The following DDX17 variants were observed in gnomAD, a reference collection of about 807,000 sequenced individuals.
DDX17 encodes probable ATP-dependent RNA helicase DDX17.
Under a neutral mutation model 80.8 loss-of-function variants are expected in DDX17, and 10 were observed. The observed-to-expected ratio is 0.12, with a 90% confidence interval of 0.08 to 0.21. The LOEUF (loss-of-function observed/expected upper bound fraction) is 0.21, where lower values mean the gene tolerates loss of function less well. DDX17 is among the 10% of genes least tolerant of loss of function. The pLI is 1.00. For synonymous variants in DDX17, 339 were observed against 336.2 expected, an observed-to-expected ratio of 1.01 and a Z score of -0.09; for missense variants, 586 against 957.4, an observed-to-expected ratio of 0.61 and a Z score of 5.12.
chr22:38,492,729 G>A (rs1428222025), intron 10 of DDX17, among the ~76,000 whole-genome samples: 4 of 151,986 alleles, frequency 2.6e-5, no homozygotes, highest in Admixed American at 6.5e-5. Context: ...CAGGTGATCC[G>A]CCCACCTCAG....
rs10427873 is a variant in DDX17, at chr22:38,487,338, G to A, written c.1684+541C>T. Among the ~76,000 whole-genome samples the A allele has an allele frequency of 1.4e-3, 214 of 151,680 alleles. 7 individuals are homozygous for A. The East Asian group carries it at 0.026, about 19-fold the overall frequency. On this transcript the variant is annotated intron_variant, in intron 12 of 12. Coordinates refer to ENST00000403230, the MANE Select transcript of DDX17 (RefSeq NM_006386.5). ...GGTGAAACTCCACAGACCAGCCTCA[G>A]CTAGGTTTGGTGGCTCACTCCTGTA...
chr22:38,485,755 C>G lies in DDX17; in HGVS notation c.*180G>C. The G allele has an allele frequency of 5.1e-6, 4 of 783,444 alleles. No individual in the cohort carries two copies. The highest frequency in any genetic ancestry group is 7.1e-6 in the Non-Finnish European group (4 of 562,674). 48.5% of individuals were successfully genotyped at this position (783,444 alleles called of 1,614,324 possible). On this transcript the variant is annotated 3_prime_UTR_variant, in exon 13 of 13. Coordinates refer to ENST00000403230, the MANE Select transcript of DDX17 (RefSeq NM_006386.5). ...GATCATTTTGGTGGGCAGAAGAAAC[C>G]TGGCAGTGAATTCTAACTAATCTGC...
Position 38,489,085 on chromosome 22 carries a change from A to T in DDX17, c.1448-970T>A. ...TATATTTTTACCTACTTAAACAAACAATTTTAAGAATATAACAAAGAATCC... is the reference window on the plus strand; with the variant it reads ...TATATTTTTACCTACTTAAACAAACTATTTTAAGAATATAACAAAGAATCC... On this transcript the variant is annotated intron_variant, in intron 11 of 12. Coordinates refer to ENST00000403230, the MANE Select transcript of DDX17 (RefSeq NM_006386.5). This position sits in a 1 kb window ranked among gnomAD's most constrained non-coding sequence, Gnocchi z 4.6. 2.0e-6 allele frequency: 2 copies of T among 983,976 alleles called. No individual in the cohort carries two copies. Among genetic ancestry groups the T allele is most frequent in the Non-Finnish European group, 2.4e-6 (2 of 828,596 alleles). The allele number at this position is 983,976 out of a possible 1,614,324, so 61.0% of individuals were successfully genotyped here. A position where few individuals can be genotyped will look rare whatever the true frequency, so the allele number is the denominator to read the frequency against.
chr22:38,502,674 G>A (rs1220871356), intron 1 of DDX17, among the ~76,000 whole-genome samples: 1 of 152,164 alleles, frequency 6.6e-6, no homozygotes, highest in Non-Finnish European at 1.5e-5. Context: ...TAAGAAATCA[G>A]AAGCTACTTT....
rs931347780 is a variant in DDX17, at chr22:38,489,538, TA to T, written c.1448-1424del. 48 of 978,646 alleles carry T rather than the reference TA, an allele frequency of 4.9e-5. No homozygotes were observed. The highest frequency in any genetic ancestry group is 9.0e-5 in the African/African-American group (5 of 55,816). The allele number at this position is 978,646 out of a possible 1,614,324, so 60.6% of individuals were successfully genotyped here. A position where few individuals can be genotyped will look rare whatever the true frequency, so the allele number is the denominator to read the frequency against. ...GGTGATTGTAGAAAAAAATAATTAATAAAAAAAAATGTAAGTTACATCCAAA... is the reference window on the plus strand; with the variant it reads ...GGTGATTGTAGAAAAAAATAATTAATAAAAAAAATGTAAGTTACATCCAAA... On this transcript the variant is annotated intron_variant, in intron 11 of 12. Coordinates refer to ENST00000403230, the MANE Select transcript of DDX17 (RefSeq NM_006386.5). This position sits in a 1 kb window ranked among gnomAD's most constrained non-coding sequence, Gnocchi z 4.6.
intron 12 of DDX17, among the ~76,000 whole-genome samples, chr22:38,487,386 A>AG (rs2089670813): frequency 6.6e-6 from 1 of 152,114 alleles, no homozygotes; most frequent in African/African-American, 2.4e-5. Flanking sequence ...TGGGAGGCCA[A>AG]GACAGGTGGA....
intron 10 of DDX17, 83 bp from the exon 11 acceptor site, chr22:38,492,198 T>C: frequency 3.4e-6 from 4 of 1,180,144 alleles, no homozygotes; most frequent in Middle Eastern, 2.0e-4. Flanking sequence ...AAATTTCAAA[T>C]AATGGTGCCA....
chr22:38,502,464 G>C (rs1054153865), intron 1 of DDX17, among the ~76,000 whole-genome samples: 3 of 146,908 alleles, frequency 2.0e-5, no homozygotes, highest in African/African-American at 5.0e-5. Context: ...CTTCTTCTTT[G>C]ATCTCTACTT....
At chr22:38,504,838 G>A (rs1057104759) in intron 1 of DDX17, among the ~76,000 whole-genome samples, 14 of 152,248 alleles carry the variant, frequency 9.2e-5, no homozygotes, top group Non-Finnish European at 1.8e-4. Context: ...AGAGGAAACA[G>A]GCTCACAAAA....
chr22:38,495,678 T>C (rs1447405291), intron 6 of DDX17, 118 bp downstream of exon 6: 11 of 816,262 alleles, frequency 1.3e-5, no homozygotes. Flanking sequence ...ATCTGAGAAT[T>C]TCTAAGCTGC....
At chr22:38,490,282 C>A in intron 11 of DDX17, 1 of 1,267,326 alleles carries the variant, frequency 7.9e-7, no homozygotes, top group Non-Finnish European at 1.0e-6. Context: ...GGGATAAGAA[C>A]CTTTTGTCTG....
In DDX17 at chr22:38,499,381, T is replaced by C. The variant is rs78197486; in HGVS notation, c.538+19A>G. ...AACCCAATTTAACAAATTAAGGTTC[T>C]AGATTGAAGAACACTTACGTGGGAA... On this transcript the variant is annotated intron_variant, in intron 3 of 12. Transcript: ENST00000403230. The C allele has an allele frequency of 8.1e-4, 1,284 of 1,594,706 alleles. 26 individuals are homozygous for C. In the East Asian group the frequency reaches 0.024, roughly 30 times the overall value.
At position 38,489,569 on chromosome 22, in the gene DDX17, C is replaced by T; in HGVS notation, c.1448-1454G>A. 2.0e-6 allele frequency: 2 copies of T among 984,816 alleles called. No homozygotes were observed. Among genetic ancestry groups the T allele is most frequent in the Non-Finnish European group, 2.4e-6 (2 of 829,644 alleles). 61.0% of individuals were successfully genotyped at this position (984,816 alleles called of 1,614,324 possible). ...AAAATGTAAGTTACATCCAAAGGGT[C>T]AGACTGCATCTATTGCCCAGACTGG... On this transcript the variant is annotated intron_variant, in intron 11 of 12. Coordinates refer to ENST00000403230, the MANE Select transcript of DDX17 (RefSeq NM_006386.5). The surrounding 1 kb of genome is among the most constrained non-coding windows in gnomAD (Gnocchi z 4.6).
chr22:38,504,212 G>A (rs2089857958), intron 1 of DDX17, among the ~76,000 whole-genome samples: 1 of 152,096 alleles, frequency 6.6e-6, no homozygotes, highest in African/African-American at 2.4e-5. Context: ...AATTAAATGT[G>A]TCACCCTACC....
At chr22:38,493,643 G>C (rs2089734006) in intron 10 of DDX17, 67 bp downstream of exon 10, 12 of 1,307,668 alleles carry the variant, frequency 9.2e-6, no homozygotes, top group Non-Finnish European at 1.2e-5. Context: ...CCCTGAAATA[G>C]AGCATGAACA....
At position 38,484,097 on chromosome 22, in the gene DDX17, T is replaced by C. The variant is rs112341627; in HGVS notation, c.*1838A>G. On this transcript the variant is annotated 3_prime_UTR_variant, in exon 13 of 13. Transcript: ENST00000403230. The stretch of plus-strand genomic sequence containing the variant: ...AGAAAGAAGAAAAAAACCCAGAATT[T>C]GGTTGTAGAAAACAATGCCCACAAC... 6.6e-6 allele frequency: 1 copy of C among 152,360 alleles called. No individual in the cohort carries two copies. Among genetic ancestry groups the C allele is most frequent in the Non-Finnish European group, 1.5e-5 (1 of 68,026 alleles). The allele number at this position is 152,360 out of a possible 1,614,324, so 9.4% of individuals were successfully genotyped here. A position where few individuals can be genotyped will look rare whatever the true frequency, so the allele number is the denominator to read the frequency against.
At chr22:38,500,863 G>A (rs1306437295) in intron 2 of DDX17, among the ~76,000 whole-genome samples, 1 of 140,970 alleles carries the variant, frequency 7.1e-6, no homozygotes, top group Non-Finnish European at 1.5e-5. Context: ...GGGTGCAGTG[G>A]CTCACGCCTG....
rs2089881733 is a variant in DDX17, at chr22:38,506,147, T to C, written c.91A>G (p.Ser31Gly). Reference sequence around the variant, plus strand: ...GCAGCGCTCTCTCGCTCCGACGCGCTGTCTCCCGTCGCAGACGCCACCGTC... The same window carrying C: ...GCAGCGCTCTCTCGCTCCGACGCGCCGTCTCCCGTCGCAGACGCCACCGTC... The change falls in exon 1 of 13, where the codon AGC becomes GGC. Residue 31 changes from serine (S) to glycine (G), a missense_variant. Transcript: ENST00000403230. 1.3e-6 allele frequency: 2 copies of C among 1,584,962 alleles called. No homozygotes were observed. Among genetic ancestry groups the C allele is most frequent in the African/African-American group, 1.3e-5 (1 of 74,256 alleles).
rs1173763967 is a variant in DDX17 at position 38,491,200 on chromosome 22, C to T, written c.1447+856G>A. On this transcript the variant is annotated intron_variant, in intron 11 of 12. Coordinates refer to ENST00000403230, the MANE Select transcript of DDX17 (RefSeq NM_006386.5). The stretch of plus-strand genomic sequence containing the variant: ...TGCAATGCATAAAAAGGCTTCATTA[C>T]TTTTGTATTCCAGTTTGAATACCTG... 3 of 152,312 alleles carry T rather than the reference C, an allele frequency of 2.0e-5. No homozygotes were observed. In the East Asian group the frequency reaches 5.8e-4, roughly 29 times the overall value. 9.4% of individuals were successfully genotyped at this position (152,312 alleles called of 1,614,324 possible). A position where few individuals can be genotyped will look rare whatever the true frequency, so the allele number is the denominator to read the frequency against.
Sources: gnomAD v4.1 joint callset for allele counts (sites outside exome capture counted in the v4.1 genomes callset) on GRCh38, gnomAD v4.1.1 for gene constraint, Gnocchi (gnomAD v3.1) non-coding constraint, MANE v1.5 for transcripts, NCBI Gene and HGNC (gene_info 2026-07-23, HGNC 2026-07-21) for gene names.